NSMCE2: variants seen among roughly 807,000 people sequenced by gnomAD.
NSMCE2 encodes E3 SUMO-protein ligase NSE2.
A neutral mutation model predicts 23.8 loss-of-function variants in NSMCE2; 24 were observed. The observed-to-expected ratio is 1.01, with a 90% CI of 0.73 to 1.42. The LOEUF is 1.42. Ranked by LOEUF, NSMCE2 falls within the 40% of genes most tolerant of loss-of-function variation. NSMCE2 has a pLI of 0.00. For synonymous variants in NSMCE2, 92 were observed against 94.1 expected, an observed-to-expected ratio of 0.98 and a Z score of 0.13; for missense variants, 284 against 296.5, an observed-to-expected ratio of 0.96 and a Z score of 0.31.
chr8:125,319,090 A>G (rs1261119144), intron 5 of NSMCE2, among the ~76,000 whole-genome samples: 2 of 152,228 alleles, frequency 1.3e-5, no homozygotes, highest in African/African-American at 4.8e-5. Flanking sequence ...GTTCTCAACA[A>G]CCAGAAAGGA....
chr8:125,100,083 T>C (rs887292517), intron 1 of NSMCE2, among the ~76,000 whole-genome samples: 1 of 151,676 alleles, frequency 6.6e-6, no homozygotes, highest in Admixed American at 6.6e-5. Context: ...GAAAGCAGAG[T>C]GTATGAGAAC....
chr8:125,287,325 C>G (rs1827940762), intron 5 of NSMCE2, among the ~76,000 whole-genome samples: 1 of 152,156 alleles, frequency 6.6e-6, no homozygotes, highest in African/African-American at 2.4e-5. Flanking sequence ...GAGTGAAACT[C>G]TGTCTCAAAA....
chr8:125,136,268 G>A (rs1820062948), intron 3 of NSMCE2, among the ~76,000 whole-genome samples: 1 of 152,072 alleles, frequency 6.6e-6, no homozygotes. Context: ...CTATTAGAGG[G>A]AAAAGAAAAG....
intron 5 of NSMCE2, among the ~76,000 whole-genome samples, chr8:125,292,066 A>G (rs997094508): frequency 2.0e-5 from 3 of 152,002 alleles, no homozygotes; most frequent in Admixed American, 6.6e-5. Flanking sequence ...TTCCACTCTC[A>G]TTTCATTAGC....
At chr8:125,170,171 A>ATT (rs1822109095) in intron 4 of NSMCE2, among the ~76,000 whole-genome samples, 1 of 151,914 alleles carries the variant, frequency 6.6e-6, no homozygotes, top group Non-Finnish European at 1.5e-5. Flanking sequence ...ACTTTATTTC[A>ATT]TTCTCATAGG....
At chr8:125,190,073 A>G (rs1264874866) in intron 5 of NSMCE2, among the ~76,000 whole-genome samples, 2 of 152,218 alleles carry the variant, frequency 1.3e-5, no homozygotes, top group African/African-American at 4.8e-5. Context: ...TGTCACAACC[A>G]AGATGGACTT....
chr8:125,217,358 TA>T (rs1765827354), intron 5 of NSMCE2, among the ~76,000 whole-genome samples: 1 of 143,120 alleles, frequency 7.0e-6, no homozygotes, highest in African/African-American at 2.5e-5. Flanking sequence ...TTTATTTATT[TA>T]TTTTTTATTT....
intron 5 of NSMCE2, among the ~76,000 whole-genome samples, chr8:125,269,127 C>T (rs370620230): frequency 2.6e-5 from 4 of 152,108 alleles, no homozygotes; most frequent in African/African-American, 9.7e-5. Flanking sequence ...CACTCTGTCA[C>T]CCAGGCTGGA....
intron 5 of NSMCE2, among the ~76,000 whole-genome samples, chr8:125,291,849 C>T (rs1412709712): frequency 6.6e-6 from 1 of 152,196 alleles, no homozygotes. Context: ...ATAAACAACT[C>T]CAAAACCCTA....
chr8:125,097,077 A>G (rs1254326377), intron 1 of NSMCE2, among the ~76,000 whole-genome samples: 1 of 152,172 alleles, frequency 6.6e-6, no homozygotes, highest in African/African-American at 2.4e-5. Flanking sequence ...CTTGTTTGGT[A>G]TAATACAGTG....
At chr8:125,172,791 G>A (rs911074080) in intron 4 of NSMCE2, among the ~76,000 whole-genome samples, 36 of 152,298 alleles carry the variant, frequency 2.4e-4, no homozygotes, top group African/African-American at 8.4e-4. Flanking sequence ...TCCAAAGTTG[G>A]TATTTTTAAT....
chr8:125,154,282 ATCT>A (rs1821195431), intron 4 of NSMCE2, among the ~76,000 whole-genome samples: 1 of 152,156 alleles, frequency 6.6e-6, no homozygotes, highest in South Asian at 2.1e-4. Flanking sequence ...TTCCACTCTC[ATCT>A]TCTCAGAATT....
chr8:125,297,623 C>A (rs1828380683), intron 5 of NSMCE2, among the ~76,000 whole-genome samples: 1 of 150,454 alleles, frequency 6.6e-6, no homozygotes, highest in African/African-American at 2.5e-5. Context: ...TTAAAGCCAG[C>A]AGTTCGAGAC....
At chr8:125,335,590 A>C (rs1830043481) in intron 5 of NSMCE2, among the ~76,000 whole-genome samples, 1 of 152,218 alleles carries the variant, frequency 6.6e-6, no homozygotes, top group Non-Finnish European at 1.5e-5. Context: ...CAAAGGAGCA[A>C]AATGGGGGTG....
intron 4 of NSMCE2, among the ~76,000 whole-genome samples, chr8:125,170,688 G>A (rs1192912287): frequency 1.3e-5 from 2 of 151,966 alleles, no homozygotes; most frequent in South Asian, 2.1e-4. Context: ...GATTACAGGC[G>A]TGAGCCACCG....
At chr8:125,306,892 T>A (rs1266718289) in intron 5 of NSMCE2, among the ~76,000 whole-genome samples, 2 of 152,242 alleles carry the variant, frequency 1.3e-5, no homozygotes, top group African/African-American at 4.8e-5. Context: ...ATTACCTACA[T>A]CCTTAGCATT....
At chr8:125,176,863 G>A (rs937787403) in intron 4 of NSMCE2, among the ~76,000 whole-genome samples, 1 of 152,308 alleles carries the variant, frequency 6.6e-6, no homozygotes, top group Non-Finnish European at 1.5e-5. Context: ...CCTGGGACTT[G>A]TACCATTACT....
At chr8:125,266,028 C>G (rs1405174600) in intron 5 of NSMCE2, among the ~76,000 whole-genome samples, 1 of 152,024 alleles carries the variant, frequency 6.6e-6, no homozygotes, top group Non-Finnish European at 1.5e-5. Context: ...ATCCTGTGAC[C>G]CGAATAAAGA....
At chr8:125,235,889 C>T (rs946481727) in intron 5 of NSMCE2, among the ~76,000 whole-genome samples, 16 of 152,090 alleles carry the variant, frequency 1.1e-4, no homozygotes, top group Admixed American at 4.6e-4. Context: ...CCTTCTAATC[C>T]CTAAGGAGTT....
Sources: gnomAD v4.1 joint callset for allele counts (sites outside exome capture counted in the v4.1 genomes callset) on GRCh38, gnomAD v4.1.1 for gene constraint, MANE v1.5 for transcripts, NCBI Gene and HGNC (gene_info 2026-07-23, HGNC 2026-07-21) for gene names.